The following CLCN5 variants were observed in gnomAD, a reference collection of about 807,000 sequenced individuals.
CLCN5 encodes Cl-/H+ antiporter 5, also known as H(+)/Cl(-) exchange transporter 5.
A neutral mutation model predicts 54.0 loss-of-function variants in CLCN5; 17 were observed. That is an observed-to-expected ratio of 0.31 (90% CI 0.22 to 0.47). The LOEUF is 0.47. Among genes scored for constraint, CLCN5 ranks in the 20% least tolerant of loss-of-function variants. The probability of loss-of-function intolerance (pLI) is 1.00; values close to 1 mark genes in which losing one functional copy is unlikely to be tolerated. For synonymous variants in CLCN5, 222 were observed against 233.0 expected (o/e 0.95, Z 0.43); for missense variants, 448 against 646.7 (o/e 0.69, Z 3.33).
intron 3 of CLCN5, among the ~76,000 whole-genome samples, chrX:50,002,657 GTCTCTGTCTCTC>G (rs1342724153): frequency 2.0e-5 from 2 of 99,929 alleles, no homozygotes; most frequent in East Asian, 3.0e-4. Context: ...CTCTGTCTCT[GTCTCTGTCTCTC>G]TCTCTCTCTC....
intron 4 of CLCN5, among the ~76,000 whole-genome samples, chrX:50,047,325 T>C (rs1427459474): frequency 1.8e-5 from 2 of 111,223 alleles, no homozygotes; most frequent in African/African-American, 6.5e-5. Context: ...CACTTGAACG[T>C]CCCTAAACAC....
At chrX:50,066,845 G>C (rs1201625899) in intron 4 of CLCN5, among the ~76,000 whole-genome samples, 1 of 112,459 alleles carries the variant, frequency 8.9e-6, no homozygotes, top group Non-Finnish European at 1.9e-5. Flanking sequence ...ATGAGGTGCT[G>C]TTAAAGAACT....
intron 4 of CLCN5, among the ~76,000 whole-genome samples, chrX:50,047,340 C>G (rs1480328131): frequency 4.5e-5 from 5 of 110,938 alleles, no homozygotes; most frequent in Non-Finnish European, 9.4e-5. Context: ...AAACACTTAG[C>G]CTGGAAGAAT....
chrX:50,015,664 G>A (rs1371568939), intron 3 of CLCN5, among the ~76,000 whole-genome samples: 2 of 109,361 alleles, frequency 1.8e-5, no homozygotes, highest in African/African-American at 3.3e-5. Flanking sequence ...CATCCTTAGC[G>A]CCTGAGCCTG....
chrX:50,065,402 C>G (rs1250241647), intron 4 of CLCN5, among the ~76,000 whole-genome samples: 1 of 76,770 alleles, frequency 1.3e-5, no homozygotes, highest in African/African-American at 5.7e-5. Flanking sequence ...CCAAAAAACA[C>G]ATGAAGAAAT....
rs12836991 is a variant in CLCN5 at position 49,932,385 on chromosome X, T to C, written c.16+7071T>C. On this transcript the variant is annotated intron_variant, in intron 3 of 14. Coordinates refer to ENST00000376091, the MANE Select transcript of CLCN5 (RefSeq NM_001127898.4). ...TACAGTTACTTTTATCTTCCTTTTT[T>C]TATACTTTTATTTACTTTCAATTTT... is the stretch of plus-strand genomic sequence containing the variant. Among the ~76,000 whole-genome samples, 909 of 112,735 alleles carry C rather than the reference T, an allele frequency of 8.1e-3. 4 individuals are homozygous for C. Among genetic ancestry groups the C allele is most frequent in the Middle Eastern group, 0.028 (6 of 218 alleles).
chrX:49,960,872 T>C (rs888094405), intron 3 of CLCN5, among the ~76,000 whole-genome samples: 7 of 111,430 alleles, frequency 6.3e-5, no homozygotes, highest in African/African-American at 2.3e-4. Context: ...TATCTTTTTC[T>C]CATACTTTAT....
chrX:50,050,410 A>T (rs782369533), intron 4 of CLCN5: 1 of 111,446 alleles, frequency 9.0e-6, no homozygotes, highest in Admixed American at 9.5e-5. Flanking sequence ...AGCCATTCTA[A>T]TAGGTATGTA....
chrX:50,078,907 C>G (rs145371731), intron 7 of CLCN5, among the ~76,000 whole-genome samples: 12,406 of 111,462 alleles, frequency 0.11, 1,709 homozygotes, highest in African/African-American at 0.39. Flanking sequence ...ACTGCAAGCT[C>G]CGCCTCCCGG....
At chrX:49,982,114 A>G (rs7056978) in intron 3 of CLCN5, among the ~76,000 whole-genome samples, 7,834 of 106,977 alleles carry the variant, frequency 0.073, 744 homozygotes, top group African/African-American at 0.25. Flanking sequence ...CATTTAGGGG[A>G]AAAAAAAAAC....
chrX:49,946,351 A>G (rs1280494364), intron 3 of CLCN5, among the ~76,000 whole-genome samples: 6 of 111,383 alleles, frequency 5.4e-5, no homozygotes, highest in Admixed American at 9.6e-5. Context: ...ACAGGCTGCA[A>G]TCAAGGTGTT....
At chrX:50,004,586 A>G (rs1263095482) in intron 3 of CLCN5, among the ~76,000 whole-genome samples, 1 of 111,513 alleles carries the variant, frequency 9.0e-6, no homozygotes, top group Non-Finnish European at 1.9e-5. Context: ...CCGCTTTTAA[A>G]AAAAAAATCA....
chrX:50,039,542 A>G lies in CLCN5; in HGVS notation c.17-2774A>G, dbSNP rs148586701. Among the ~76,000 whole-genome samples, 36 of 111,617 alleles carry G rather than the reference A, an allele frequency of 3.2e-4. 1 individual carries two copies. The East Asian group carries it at 9.9e-3, about 31-fold the overall frequency. On this transcript the variant is annotated intron_variant, in intron 3 of 14. Coordinates refer to ENST00000376091, the MANE Select transcript of CLCN5 (RefSeq NM_001127898.4). ...ATACATGTTGTGTGTTGCAATGTTC[A>G]CTGTAAGGTACAGTTATTTGTAAAG...
intron 3 of CLCN5, among the ~76,000 whole-genome samples, chrX:49,949,646 A>C (rs1376341782): frequency 8.9e-6 from 1 of 111,786 alleles, no homozygotes; most frequent in African/African-American, 3.3e-5. Flanking sequence ...ACAGACAAAA[A>C]TGTTGAGACT....
intron 3 of CLCN5, among the ~76,000 whole-genome samples, chrX:49,937,020 G>C (rs1289855562): frequency 9.0e-6 from 1 of 111,587 alleles, no homozygotes; most frequent in Non-Finnish European, 1.9e-5. Context: ...TTGGGATCAG[G>C]AGTTTGAGGC....
intron 3 of CLCN5, among the ~76,000 whole-genome samples, chrX:49,963,941 C>T (rs782009443): frequency 8.9e-6 from 1 of 111,987 alleles, no homozygotes; most frequent in East Asian, 2.8e-4. Flanking sequence ...GTAACTCTAC[C>T]TCTTTATTCC....
intron 3 of CLCN5, among the ~76,000 whole-genome samples, chrX:50,030,789 A>C (rs1557185766): frequency 8.9e-6 from 1 of 112,496 alleles, no homozygotes; most frequent in Non-Finnish European, 1.9e-5. Context: ...TTATCTGTTA[A>C]TCTGATAACT....
intron 3 of CLCN5, among the ~76,000 whole-genome samples, chrX:49,935,283 T>A (rs1557169466): frequency 8.9e-6 from 1 of 112,075 alleles, no homozygotes; most frequent in Admixed American, 9.5e-5. Flanking sequence ...CCTGCTTATC[T>A]TTCAGCCATG....
chrX:50,056,495 A>T (rs1214173460), intron 4 of CLCN5, among the ~76,000 whole-genome samples: 4 of 111,473 alleles, frequency 3.6e-5, no homozygotes, highest in Non-Finnish European at 7.5e-5. Flanking sequence ...ACTTTGTCAA[A>T]TCTAGCCCCT....
Sources: allele counts gnomAD v4.1 joint callset (sites outside exome capture counted in the v4.1 genomes callset), GRCh38; gene constraint gnomAD v4.1.1; transcripts MANE v1.5; gene names NCBI Gene and HGNC (gene_info 2026-07-23, HGNC 2026-07-21).